Variants in TRDN observed in about 807,000 individuals in gnomAD.
TRDN encodes triadin in skeletal muscle.
A neutral mutation model predicts 149.7 loss-of-function variants in TRDN; 161 were observed. The ratio of observed to expected loss-of-function variants is 1.08; its 90% CI spans 0.95 to 1.23. The LOEUF (loss-of-function observed/expected upper bound fraction) is 1.23, where lower values mean the gene tolerates loss of function less well. Ranked by LOEUF, TRDN falls within the 50% of genes most tolerant of loss-of-function variation. The pLI, the probability that TRDN is intolerant of heterozygous loss-of-function variation, is 0.00. For synonymous variants in TRDN, 294 were observed against 250.5 expected, an observed-to-expected ratio of 1.17 and a Z score of -1.64; for missense variants, 896 against 823.5, an observed-to-expected ratio of 1.09 and a Z score of -1.08.
chr6:123,382,423 A>T (rs1781756689), intron 14 of TRDN, among the ~76,000 whole-genome samples: 1 of 151,692 alleles, frequency 6.6e-6, no homozygotes, highest in African/African-American at 2.4e-5. Context: ...AAATATACCC[A>T]CATATAATTT....
At chr6:123,237,745 T>C (rs1238938280) in intron 38 of TRDN, among the ~76,000 whole-genome samples, 1 of 152,104 alleles carries the variant, frequency 6.6e-6, no homozygotes, top group Non-Finnish European at 1.5e-5. Flanking sequence ...TAAACAATGG[T>C]TATGGATTCC....
chr6:123,246,103 T>C (rs1234030570), intron 38 of TRDN, among the ~76,000 whole-genome samples: 2 of 152,054 alleles, frequency 1.3e-5, no homozygotes, highest in Non-Finnish European at 2.9e-5. Context: ...TAGAGGGAAA[T>C]TTATAGCACT....
chr6:123,606,776 A>C (rs1784547957), intron 1 of TRDN, among the ~76,000 whole-genome samples: 1 of 152,216 alleles, frequency 6.6e-6, no homozygotes, highest in African/African-American at 2.4e-5. Flanking sequence ...AGCTTCATCT[A>C]GCTACAGTTA....
intron 38 of TRDN, among the ~76,000 whole-genome samples, chr6:123,235,019 T>C (rs985885649): frequency 3.3e-5 from 5 of 152,072 alleles, no homozygotes; most frequent in African/African-American, 1.2e-4. Context: ...ATTTCCTTCA[T>C]ATTTCTCCCC....
chr6:123,363,052 T>C (rs954889501), intron 20 of TRDN, among the ~76,000 whole-genome samples: 1 of 152,164 alleles, frequency 6.6e-6, no homozygotes, highest in African/African-American at 2.4e-5. Flanking sequence ...CACATTACAG[T>C]GAACACCTTA....
At chr6:123,441,693 A>G (rs1774897988) in intron 10 of TRDN, among the ~76,000 whole-genome samples, 1 of 152,204 alleles carries the variant, frequency 6.6e-6, no homozygotes, top group Non-Finnish European at 1.5e-5. Flanking sequence ...TTGCTTTTAA[A>G]TGTTTTTTAT....
In TRDN at chr6:123,572,854, T is replaced by C. The variant is rs115990131; in HGVS notation, c.23-1722A>G. On this transcript the variant is annotated intron_variant, in intron 1 of 40. Coordinates refer to ENST00000334268, the MANE Select transcript of TRDN (RefSeq NM_006073.4). ...CTATTTATCTCAAAATTGCAACATC[T>C]CTATGTGATGGATACATAAGAAAAT... Among the ~76,000 whole-genome samples the C allele has an allele frequency of 7.4e-3, 1,123 of 152,262 alleles. 21 individuals are homozygous for C. Among genetic ancestry groups the C allele is most frequent in the African/African-American group, 0.025 (1,048 of 41,558 alleles).
intron 9 of TRDN, among the ~76,000 whole-genome samples, chr6:123,486,524 G>A (rs1468404904): frequency 6.6e-6 from 1 of 152,002 alleles, no homozygotes; most frequent in East Asian, 1.9e-4. Context: ...TTGGCATAAT[G>A]TTCTGTCTCA....
chr6:123,355,570 T>C lies in TRDN; in HGVS notation c.1322-2984A>G, dbSNP rs564653459. On this transcript the variant is annotated intron_variant, in intron 20 of 40. Transcript: ENST00000334268. ...CTACAAACCTTCCAGTTTGATCTTG[T>C]TCAGGATTGTCTTGGCTATTCTTAG... is the stretch of plus-strand genomic sequence containing the variant. Among the ~76,000 whole-genome samples the C allele has an allele frequency of 2.6e-5, 4 of 151,872 alleles. No individual in the cohort carries two copies. In the South Asian group the frequency reaches 8.3e-4, roughly 31 times the overall value.
intron 1 of TRDN, among the ~76,000 whole-genome samples, chr6:123,623,682 G>T (rs374480602): frequency 1.3e-3 from 203 of 152,184 alleles, no homozygotes; most frequent in African/African-American, 4.7e-3. Context: ...TAGGGATGTT[G>T]TTAAAAACTT....
intron 1 of TRDN, among the ~76,000 whole-genome samples, chr6:123,573,059 C>G (rs1160283647): frequency 6.6e-6 from 1 of 152,072 alleles, no homozygotes; most frequent in Non-Finnish European, 1.5e-5. Context: ...TCTACCATCA[C>G]AACTCTTCCT....
At chr6:123,558,928 C>T (rs1309606434) in intron 2 of TRDN, among the ~76,000 whole-genome samples, 6 of 152,354 alleles carry the variant, frequency 3.9e-5, no homozygotes, top group South Asian at 2.1e-4. Context: ...GCCGGAAATC[C>T]GGCCACTGGG....
intron 21 of TRDN, among the ~76,000 whole-genome samples, chr6:123,347,305 C>A (rs9401662): frequency 0.93 from 141,120 of 152,158 alleles, 65,501 homozygotes; most frequent in East Asian, 0.99. Context: ...AGAAACCACC[C>A]GTCACACACA....
In TRDN at chr6:123,616,108, T is replaced by C. The variant is rs527362492; in HGVS notation, c.22+20646A>G. Reference sequence around the variant, plus strand: ...GCTGAAGCCTATAATCCTAGCACTTTGGTATGCCGAGGCAGGAGGATCACT... The same window carrying C: ...GCTGAAGCCTATAATCCTAGCACTTCGGTATGCCGAGGCAGGAGGATCACT... On this transcript the variant is annotated intron_variant, in intron 1 of 40. Transcript: ENST00000334268. Among the ~76,000 whole-genome samples, 4 of 152,250 alleles carry C rather than the reference T, an allele frequency of 2.6e-5. No homozygotes were observed. The East Asian group carries it at 5.8e-4, about 22-fold the overall frequency.
At chr6:123,513,425 C>T (rs997783739) in intron 6 of TRDN, among the ~76,000 whole-genome samples, 1 of 151,750 alleles carries the variant, frequency 6.6e-6, no homozygotes, top group African/African-American at 2.4e-5. Flanking sequence ...AATTTAAGGG[C>T]AAAAATTCCT....
In TRDN at chr6:123,268,051, A is replaced by G. The variant is rs1777074947; in HGVS notation, c.1739-300T>C. Among the ~76,000 whole-genome samples the G allele has an allele frequency of 2.6e-5, 4 of 152,136 alleles. No homozygotes were observed. The South Asian group carries it at 8.3e-4, about 32-fold the overall frequency. On this transcript the variant is annotated intron_variant, in intron 31 of 40. Coordinates refer to ENST00000334268, the MANE Select transcript of TRDN (RefSeq NM_006073.4). ...AGAATATGGCAAAAAGGAGAATAAG[A>G]ATATTGTTTTATTTGCTGAAAGTTG...
rs76285579 is a variant in TRDN, at chr6:123,363,496, TA to T, written c.1321+2638del. 3.0e-3 allele frequency among the ~76,000 whole-genome samples: 453 copies of T among 152,326 alleles called. 12 individuals carry two copies. The East Asian group carries it at 0.074, about 25-fold the overall frequency. On this transcript the variant is annotated intron_variant, in intron 20 of 40. Coordinates refer to ENST00000334268, the MANE Select transcript of TRDN (RefSeq NM_006073.4). ...TTTCTGTTCGTGCTGTAGTTGCAAATAAACTCAATATGTAGAATTATATTTA... is the reference window on the plus strand; with the variant it reads ...TTTCTGTTCGTGCTGTAGTTGCAAATAACTCAATATGTAGAATTATATTTA...
chr6:123,369,605 C>A (rs1004992226), intron 19 of TRDN, among the ~76,000 whole-genome samples: 2 of 152,098 alleles, frequency 1.3e-5, no homozygotes, highest in Non-Finnish European at 1.5e-5. Context: ...TGAAAATATT[C>A]TCTTCCCTCC....
chr6:123,347,273 T>G (rs2114277539), intron 21 of TRDN, among the ~76,000 whole-genome samples: 1 of 152,252 alleles, frequency 6.6e-6, no homozygotes, highest in East Asian at 1.9e-4. Flanking sequence ...AAAGTCATTA[T>G]TGCCATGTTG....
Sources: allele counts gnomAD v4.1 joint callset (sites outside exome capture counted in the v4.1 genomes callset), GRCh38; gene constraint gnomAD v4.1.1; transcripts MANE v1.5; gene names NCBI Gene and HGNC (gene_info 2026-07-23, HGNC 2026-07-21).